Variants in BCR observed in about 807,000 individuals in gnomAD.
The protein encoded by BCR is BCR activator of RhoGEF and GTPase.
A neutral mutation model predicts 138.6 loss-of-function variants in BCR; 58 were observed. The ratio of observed to expected loss-of-function variants is 0.42; its 90% CI spans 0.34 to 0.52. The LOEUF is 0.52. Ranked by LOEUF, BCR falls within the 20% of genes least tolerant of loss-of-function variation. The probability of loss-of-function intolerance (pLI) is 0.06; values close to 1 mark genes in which losing one functional copy is unlikely to be tolerated. For missense variants in BCR, 1,599 were observed against 1,727.2 expected (o/e 0.93, Z 1.32); for synonymous variants, 786 against 730.1 (o/e 1.08, Z -1.23).
At chr22:23,226,241 C>T (rs977295224) in intron 1 of BCR, among the ~76,000 whole-genome samples, 1 of 152,090 alleles carries the variant, frequency 6.6e-6, no homozygotes, top group African/African-American at 2.4e-5. Context: ...TGAGCTTTCC[C>T]GTCAGAAATA....
intron 1 of BCR, among the ~76,000 whole-genome samples, chr22:23,224,631 C>T (rs2072866467): frequency 6.6e-6 from 1 of 152,192 alleles, no homozygotes; most frequent in South Asian, 2.1e-4. Flanking sequence ...CCTGTAATCC[C>T]AACACTTTGG....
chr22:23,288,291 C>G, intron 12 of BCR, 119 bp downstream of exon 12: 2 of 1,014,650 alleles, frequency 2.0e-6, no homozygotes, highest in South Asian at 2.7e-5. Context: ...TGAAGTGTTG[C>G]ATGGAGGGCT....
Position 23,309,445 on chromosome 22 carries a change from G to A in BCR, c.3034G>A (p.Asp1012Asn), listed in dbSNP as rs1375849057. ...TCAGCTGGACCCGCAGGCCCTGCAG[G>A]ACAGAGACTGGCAGCGCACCGTCAT... is the stretch of plus-strand genomic sequence containing the variant. Reference protein sequence around the residue: ...QVQLDPQALQDRDWQRTVIAM... With the variant: ...QVQLDPQALQNRDWQRTVIAM... The change falls in exon 17 of 23, where the codon GAC (aspartate) becomes AAC (asparagine). Residue 1012 changes from aspartate (D) to asparagine (N), a missense_variant. Asp to Asn is a conservative substitution (Grantham distance 23). Around this residue, in one of 4 missense-constraint regions of BCR, gnomAD observed 590 missense variants for 762.4 expected, o/e 0.77. Coordinates refer to ENST00000305877, the MANE Select transcript of BCR (RefSeq NM_004327.4). 5 of 1,604,220 alleles carry A rather than the reference G, an allele frequency of 3.1e-6. No individual in the cohort carries two copies. Among genetic ancestry groups the A allele is most frequent in the Non-Finnish European group, 4.3e-6 (5 of 1,175,174 alleles).
intron 8 of BCR, among the ~76,000 whole-genome samples, chr22:23,276,887 G>A (rs1056515347): frequency 1.3e-5 from 2 of 152,250 alleles, no homozygotes; most frequent in African/African-American, 4.8e-5. Flanking sequence ...TTGCTTCCCT[G>A]GGTGTCCGTG....
intron 1 of BCR, among the ~76,000 whole-genome samples, chr22:23,190,231 A>G (rs1039907989): frequency 2.0e-5 from 3 of 152,046 alleles, no homozygotes; most frequent in African/African-American, 7.2e-5. Flanking sequence ...GCAATGGCAC[A>G]GTCTCAGCTC....
At chr22:23,185,965 G>A (rs1171104626) in intron 1 of BCR, among the ~76,000 whole-genome samples, 1 of 151,840 alleles carries the variant, frequency 6.6e-6, no homozygotes, top group African/African-American at 2.4e-5. Context: ...TTCTGACCTC[G>A]GGTTCCGCCC....
chr22:23,222,626 G>A (rs1210460164), intron 1 of BCR, among the ~76,000 whole-genome samples: 1 of 152,180 alleles, frequency 6.6e-6, no homozygotes, highest in Non-Finnish European at 1.5e-5. Flanking sequence ...GAGCGTGGCA[G>A]GGGCCCATGG....
chr22:23,199,870 C>G (rs149095194), intron 1 of BCR, among the ~76,000 whole-genome samples: 4,540 of 152,108 alleles, frequency 0.03, 238 homozygotes, highest in African/African-American at 0.1. Flanking sequence ...GCGGGCAGAT[C>G]ATGAGGTCAA....
intron 4 of BCR, chr22:23,263,066 C>T (rs1488097396): frequency 2.8e-6 from 2 of 721,260 alleles, no homozygotes; most frequent in Non-Finnish European, 4.3e-6. Context: ...GGCGGGAGGG[C>T]GCCAGGCCGG....
chr22:23,294,830 G>A (rs1910320431), intron 15 of BCR, among the ~76,000 whole-genome samples, 194 bp from the exon 16 acceptor site: 2 of 152,196 alleles, frequency 1.3e-5, no homozygotes, highest in Admixed American at 1.3e-4. Context: ...CATCCGGGCT[G>A]GGCCACGGTC....
At chr22:23,226,412 T>C (rs1490818853) in intron 1 of BCR, among the ~76,000 whole-genome samples, 1 of 152,122 alleles carries the variant, frequency 6.6e-6, no homozygotes, top group Non-Finnish European at 1.5e-5. Flanking sequence ...TCTTTTGTCT[T>C]ATGGTGTTTT....
intron 1 of BCR, among the ~76,000 whole-genome samples, chr22:23,206,009 G>A (rs1437921658): frequency 6.6e-6 from 1 of 152,190 alleles, no homozygotes; most frequent in Admixed American, 6.5e-5. Context: ...TATAGAACCT[G>A]TGAGGCAGGT....
chr22:23,188,527 C>T lies in BCR; in HGVS notation c.1279+6288C>T, dbSNP rs574924678. Among the ~76,000 whole-genome samples, 7 of 152,316 alleles carry T rather than the reference C, an allele frequency of 4.6e-5. 1 individual carries two copies. The East Asian group carries it at 1.4e-3, about 29-fold the overall frequency. On this transcript the variant is annotated intron_variant, in intron 1 of 22. Transcript: ENST00000305877. ...GCTTGAGCACACTTGGGAGAGGACA[C>T]AGCAGTGCATGAGGCCCAGGCTGCA...
At chr22:23,304,516 G>A (rs548323702) in intron 16 of BCR, among the ~76,000 whole-genome samples, 2 of 152,156 alleles carry the variant, frequency 1.3e-5, no homozygotes, top group East Asian at 1.9e-4. Flanking sequence ...AGTTTGGGCT[G>A]TTAAGGTTGA....
intron 8 of BCR, among the ~76,000 whole-genome samples, chr22:23,279,477 A>AGGCAGT (rs1230796624): frequency 6.6e-6 from 1 of 152,190 alleles, no homozygotes; most frequent in Non-Finnish European, 1.5e-5. Context: ...GGCCACTGAC[A>AGGCAGT]GGCAGTGGCA....
intron 1 of BCR, among the ~76,000 whole-genome samples, chr22:23,250,864 G>A (rs5751614): frequency 0.54 from 81,456 of 152,008 alleles, 22,482 homozygotes; most frequent in African/African-American, 0.68. Flanking sequence ...TGAGGCATGG[G>A]CGGCCTCAGT....
Position 23,261,349 on chromosome 22 carries a change from T to G in BCR, c.1567-6T>G. On this transcript the variant is annotated splice_region_variant and splice_polypyrimidine_tract_variant and intron_variant, in intron 3 of 22. Coordinates refer to ENST00000305877, the MANE Select transcript of BCR (RefSeq NM_004327.4). ...CCTGTGCTACCTCACTTGTGCCCTCTTCCAGCCCATGAAGCCTTTGAAAGC... is the reference window on the plus strand; with the variant it reads ...CCTGTGCTACCTCACTTGTGCCCTCGTCCAGCCCATGAAGCCTTTGAAAGC... 6.2e-7 allele frequency: 1 copy of G among 1,610,756 alleles called. No homozygotes were observed. The highest frequency in any genetic ancestry group is 1.1e-5 in the South Asian group (1 of 91,048).
intron 1 of BCR, among the ~76,000 whole-genome samples, chr22:23,244,590 C>CA (rs1357642951): frequency 1.1e-4 from 17 of 152,208 alleles, no homozygotes; most frequent in Non-Finnish European, 2.5e-4. Flanking sequence ...ATGCCCACGT[C>CA]ACGTGACTCC....
intron 21 of BCR, among the ~76,000 whole-genome samples, chr22:23,314,293 A>T (rs2074042209): frequency 6.6e-6 from 1 of 152,086 alleles, no homozygotes; most frequent in African/African-American, 2.4e-5. Flanking sequence ...AAGAGCTCAG[A>T]GCTTTGGCCG....
Sources: gnomAD v4.1 joint callset for allele counts (sites outside exome capture counted in the v4.1 genomes callset) on GRCh38, gnomAD v4.1.1 for gene constraint, gnomAD v4.1.1 regional missense constraint, MANE v1.5 for transcripts, NCBI Gene and HGNC (gene_info 2026-07-23, HGNC 2026-07-21) for gene names.